The following CCDC3 variants were observed in gnomAD, a reference collection of about 807,000 sequenced individuals.
The protein encoded by CCDC3 is coiled-coil domain containing 3.
Under a neutral mutation model 21.4 loss-of-function variants are expected in CCDC3, and 24 were observed. That is an observed-to-expected ratio of 1.12 (90% CI 0.81 to 1.58). CCDC3 has a LOEUF of 1.58. Ranked by LOEUF, CCDC3 falls within the 40% of genes most tolerant of loss-of-function variation. The pLI is 0.00. For missense variants in CCDC3, 425 were observed against 360.9 expected (o/e 1.18, Z -1.44); for synonymous variants, 186 against 166.0 (o/e 1.12, Z -0.93).
At chr10:13,032,082 A>G (rs910451174) in intron 5 of CCDC3, among the ~76,000 whole-genome samples, 5 of 152,352 alleles carry the variant, frequency 3.3e-5, no homozygotes, top group African/African-American at 1.2e-4. Context: ...CATTGACGCG[A>G]AAATCCTCAA....
At chr10:12,959,419 C>T (rs1219293004) in intron 2 of CCDC3, among the ~76,000 whole-genome samples, 2 of 152,148 alleles carry the variant, frequency 1.3e-5, no homozygotes, top group Non-Finnish European at 2.9e-5. Context: ...CCACCTGCCT[C>T]GGCCTCCCAA....
At chr10:12,981,239 G>C (rs1458630957) in intron 2 of CCDC3, among the ~76,000 whole-genome samples, 1 of 149,362 alleles carries the variant, frequency 6.7e-6, no homozygotes, top group East Asian at 2.0e-4. Context: ...GAGTGTGGTG[G>C]CGTGATCTTG....
At chr10:12,967,653 G>C (rs565425928) in intron 2 of CCDC3, among the ~76,000 whole-genome samples, 2 of 152,176 alleles carry the variant, frequency 1.3e-5, no homozygotes, top group Non-Finnish European at 1.5e-5. Flanking sequence ...GATGAAGAAA[G>C]CTTCAGGATT....
chr10:13,034,135 A>T (rs1370288765), intron 5 of CCDC3, among the ~76,000 whole-genome samples: 1 of 152,206 alleles, frequency 6.6e-6, no homozygotes, highest in Non-Finnish European at 1.5e-5. Context: ...AATGTGGCAC[A>T]TATACACCAT....
At chr10:13,014,471 G>GAAAAAAAAAAAAAAAAAAAAAAAGA (rs58040998) in intron 5 of CCDC3, among the ~76,000 whole-genome samples, 1 of 137,594 alleles carries the variant, frequency 7.3e-6, no homozygotes, top group African/African-American at 2.7e-5. Context: ...AAAAAAAAAA[G>GAAAAAAAAAAAAAAAAAAAAAAAGA]AAAAAAAAAA....
Position 12,921,815 on chromosome 10 carries a change from C to T in CCDC3, c.550-23136G>A, listed in dbSNP as rs1217161382. Among the ~76,000 whole-genome samples, 3 of 152,160 alleles carry T rather than the reference C, an allele frequency of 2.0e-5. No individual in the cohort carries two copies. In the East Asian group the frequency reaches 5.8e-4, roughly 29 times the overall value. On this transcript the variant is annotated intron_variant, in intron 2 of 2. Coordinates refer to ENST00000378825, the MANE Select transcript of CCDC3 (RefSeq NM_031455.4). ...GGAGTGCAATGGCCCAATCATGGCT[C>T]ACTGTAGCCTCGAAACTTCTGGGCT...
chr10:12,931,296 C>T lies in CCDC3; in HGVS notation c.550-32617G>A, dbSNP rs577512367. Among the ~76,000 whole-genome samples, 8 of 151,676 alleles carry T rather than the reference C, an allele frequency of 5.3e-5. 1 individual carries two copies. The South Asian group carries it at 1.5e-3, about 28-fold the overall frequency. On this transcript the variant is annotated intron_variant, in intron 2 of 2. Transcript: ENST00000378825. ...TTAGGAATGGTGTCCACTCAACATGCAGCAATACACTGTTTTAATTTCTAA... is the reference window on the plus strand; with the variant it reads ...TTAGGAATGGTGTCCACTCAACATGTAGCAATACACTGTTTTAATTTCTAA...
intron 3 of CCDC3, among the ~76,000 whole-genome samples, chr10:13,079,229 C>T (rs1423583098): frequency 6.6e-6 from 1 of 150,970 alleles, no homozygotes; most frequent in African/African-American, 2.4e-5. Context: ...GGGATACATT[C>T]CCCTCCGGGG....
At chr10:13,055,333 C>T (rs1836667349) in intron 4 of CCDC3, among the ~76,000 whole-genome samples, 1 of 148,298 alleles carries the variant, frequency 6.7e-6, no homozygotes, top group Non-Finnish European at 1.5e-5. Context: ...ACAGAATCCA[C>T]TTCTTTTTTT....
At chr10:13,061,585 A>G (rs1836758280) in intron 4 of CCDC3, among the ~76,000 whole-genome samples, 1 of 152,196 alleles carries the variant, frequency 6.6e-6, no homozygotes, top group Admixed American at 6.5e-5. Context: ...TATACATTCT[A>G]GGGAGGCATG....
intron 2 of CCDC3, among the ~76,000 whole-genome samples, chr10:12,919,383 A>T (rs1012201378): frequency 1.3e-5 from 2 of 152,158 alleles, no homozygotes; most frequent in Non-Finnish European, 2.9e-5. Flanking sequence ...TGAGGTCAAG[A>T]GTTTGCCATC....
intron 2 of CCDC3, among the ~76,000 whole-genome samples, chr10:12,948,175 C>T (rs188875769): frequency 6.6e-6 from 1 of 152,238 alleles, no homozygotes; most frequent in Admixed American, 6.5e-5. Context: ...AAGGGCAGTT[C>T]CCCTGCACAC....
chr10:13,085,478 C>T (rs1424909371), intron 3 of CCDC3, among the ~76,000 whole-genome samples: 1 of 152,160 alleles, frequency 6.6e-6, no homozygotes, highest in East Asian at 1.9e-4. Context: ...ATTTTCAGTC[C>T]AAAGCATTCA....
intron 2 of CCDC3, among the ~76,000 whole-genome samples, chr10:12,938,963 A>C (rs911777067): frequency 6.6e-6 from 1 of 152,144 alleles, no homozygotes; most frequent in African/African-American, 2.4e-5. Flanking sequence ...CACACAATAA[A>C]TATGCCAACC....
chr10:13,031,133 A>G (rs867786998), intron 5 of CCDC3, among the ~76,000 whole-genome samples: 17 of 152,358 alleles, frequency 1.1e-4, no homozygotes, highest in African/African-American at 2.9e-4. Flanking sequence ...AACAGAAATT[A>G]TAACAAACTG....
upstream of CCDC3, among the ~76,000 whole-genome samples, chr10:13,003,995 T>C (rs1471016473): frequency 6.6e-6 from 1 of 152,220 alleles, no homozygotes; most frequent in Non-Finnish European, 1.5e-5. Context: ...CATTGCAGTG[T>C]ACCGTAGTGA....
intron 3 of CCDC3, among the ~76,000 whole-genome samples, chr10:13,076,625 C>G (rs1239972572): frequency 6.6e-6 from 1 of 152,234 alleles, no homozygotes; most frequent in Non-Finnish European, 1.5e-5. Context: ...TAAACATGCT[C>G]ACAGGCACAT....
At chr10:13,001,152 T>G (rs1197845417) in intron 1 of CCDC3, 45 bp downstream of exon 1, 23 of 1,506,076 alleles carry the variant, frequency 1.5e-5, no homozygotes, top group East Asian at 5.2e-5. Context: ...CCTCGGGAGG[T>G]GGCGCAGAGA....
At chr10:13,092,156 T>C (rs549746205) in intron 3 of CCDC3, among the ~76,000 whole-genome samples, 2 of 152,326 alleles carry the variant, frequency 1.3e-5, no homozygotes, top group African/African-American at 2.4e-5. Context: ...TCAACTAAAA[T>C]ATACTTTTGT....
Sources: gnomAD v4.1 joint callset for allele counts (sites outside exome capture counted in the v4.1 genomes callset) on GRCh38, gnomAD v4.1.1 for gene constraint, MANE v1.5 for transcripts, NCBI Gene and HGNC (gene_info 2026-07-23, HGNC 2026-07-21) for gene names.